The following DRC9 variants were observed in gnomAD, a reference collection of about 807,000 sequenced individuals.
The protein encoded by DRC9 is dynein regulatory complex subunit 9, also known as dynein regulatory complex protein 9.
chr3:197,904,711 T>C, the DRC9 span, among the ~76,000 whole-genome samples: 1 of 151,706 alleles, frequency 6.6e-6, no homozygotes, highest in African/African-American at 2.4e-5. Flanking sequence ...AATACAAAAA[T>C]TAGCTGGGCG....
chr3:197,930,043 A>G, the DRC9 span, among the ~76,000 whole-genome samples: 2 of 152,256 alleles, frequency 1.3e-5, no homozygotes, highest in East Asian at 1.9e-4. Context: ...AAAGACAACT[A>G]TAATTAATGT....
chr3:197,906,279 C>T, the DRC9 span: 1 of 152,114 alleles, frequency 6.6e-6, no homozygotes, highest in Non-Finnish European at 1.5e-5. Context: ...TTACTGAGAC[C>T]GCGCAGGAGG....
the DRC9 span, chr3:197,932,100 T>G: frequency 1.3e-5 from 20 of 1,506,224 alleles, no homozygotes; most frequent in East Asian, 2.4e-5. Context: ...TGCTTTAAAA[T>G]TCAAGGATTT....
chr3:197,929,401 A>G, the DRC9 span, among the ~76,000 whole-genome samples: 4 of 152,152 alleles, frequency 2.6e-5, no homozygotes, highest in African/African-American at 9.7e-5. The surrounding 1 kb of genome is among the most constrained non-coding windows in gnomAD (Gnocchi z 4.6). Flanking sequence ...CAGAGCATCC[A>G]TCAGCTTCTT....
At chr3:197,944,740 G>A in the DRC9 span, among the ~76,000 whole-genome samples, 2 of 151,962 alleles carry the variant, frequency 1.3e-5, no homozygotes, top group Admixed American at 6.6e-5. Flanking sequence ...GAGCCACCGC[G>A]CCCGGCCAGT....
the DRC9 span, among the ~76,000 whole-genome samples, chr3:197,941,253 TC>T: frequency 6.3e-5 from 7 of 111,080 alleles, no homozygotes; most frequent in African/African-American, 2.4e-4. Context: ...TGCCCTCCCT[TC>T]CCCCTCCCTC....
the DRC9 span, chr3:197,892,530 C>T: frequency 3.8e-5 from 54 of 1,419,806 alleles, no homozygotes; most frequent in East Asian, 1.6e-4. Flanking sequence ...CTTCCACTCC[C>T]TCCTCAGTGA....
chr3:197,901,966 G>A, the DRC9 span, among the ~76,000 whole-genome samples: 1 of 152,214 alleles, frequency 6.6e-6, no homozygotes, highest in African/African-American at 2.4e-5. This position sits in a 1 kb window ranked among gnomAD's most constrained non-coding sequence, Gnocchi z 4.4. Flanking sequence ...CACAGTCCCA[G>A]TGGTGGTGGT....
At chr3:197,955,799 G>A in the DRC9 span, 7 of 1,570,388 alleles carry the variant, frequency 4.5e-6, no homozygotes, top group Non-Finnish European at 6.1e-6. Flanking sequence ...ATAAATAAAT[G>A]TGGATTTGTG....
the DRC9 span, among the ~76,000 whole-genome samples, chr3:197,903,899 C>T: frequency 2.6e-5 from 4 of 151,322 alleles, no homozygotes; most frequent in Admixed American, 6.6e-5. Flanking sequence ...TGCTTGAGCT[C>T]GGAGTTCAAG....
chr3:197,889,844 GC>G, the DRC9 span: 1 of 1,057,054 alleles, frequency 9.5e-7, no homozygotes, highest in Non-Finnish European at 1.4e-6. Context: ...CATGGAAGTA[GC>G]CAGGCACGTA....
the DRC9 span, among the ~76,000 whole-genome samples, chr3:197,936,496 C>A: frequency 6.6e-6 from 1 of 152,124 alleles, no homozygotes; most frequent in African/African-American, 2.4e-5. Context: ...TCCAGAGTAG[C>A]TGGGACCACA....
the DRC9 span, among the ~76,000 whole-genome samples, chr3:197,924,253 G>C: frequency 6.6e-5 from 10 of 151,636 alleles, no homozygotes; most frequent in African/African-American, 2.4e-4. Flanking sequence ...CAGCTACTCG[G>C]GAGGCTGAGG....
the DRC9 span, among the ~76,000 whole-genome samples, chr3:197,901,618 T>C: frequency 1.3e-5 from 2 of 152,232 alleles, no homozygotes. This position sits in a 1 kb window ranked among gnomAD's most constrained non-coding sequence, Gnocchi z 4.4. Flanking sequence ...GTGGTAGTAG[T>C]GGCCATGAGC....
chr3:197,939,991 G>A, the DRC9 span, among the ~76,000 whole-genome samples: 525 of 151,506 alleles, frequency 3.5e-3, 4 homozygotes, highest in African/African-American at 0.012. Flanking sequence ...TCTAGTTGAC[G>A]CACTAAAAAA....
the DRC9 span, among the ~76,000 whole-genome samples, chr3:197,915,347 T>C: frequency 6.7e-6 from 1 of 149,868 alleles, no homozygotes; most frequent in African/African-American, 2.5e-5. Flanking sequence ...CTAGTGAGGG[T>C]TGAGGGGAGG....
the DRC9 span, among the ~76,000 whole-genome samples, chr3:197,919,825 C>G: frequency 6.6e-6 from 1 of 152,068 alleles, no homozygotes; most frequent in Non-Finnish European, 1.5e-5. Flanking sequence ...GGCTTCCCCT[C>G]TGGTTGGGTA....
At chr3:197,934,749 C>T in the DRC9 span, among the ~76,000 whole-genome samples, 1 of 151,010 alleles carries the variant, frequency 6.6e-6, no homozygotes, top group Non-Finnish European at 1.5e-5. Flanking sequence ...AGGAGGATCG[C>T]TTGAGTCCAG....
chr3:197,954,121 A>G, the DRC9 span: 5 of 1,614,064 alleles, frequency 3.1e-6, no homozygotes, highest in African/African-American at 1.3e-5. Context: ...TCTTCCTGCT[A>G]AGGCCATTGG....
Sources: gnomAD v4.1 joint callset for allele counts (sites outside exome capture counted in the v4.1 genomes callset) on GRCh38, gnomAD v4.1.1 for gene constraint, Gnocchi (gnomAD v3.1) non-coding constraint, MANE v1.5 for transcripts, NCBI Gene and HGNC (gene_info 2026-07-23, HGNC 2026-07-21) for gene names.